TNR: variants seen among roughly 807,000 people sequenced by gnomAD.
TNR encodes the protein tenascin R, also known as tenascin-R.
Under a neutral mutation model 150.4 loss-of-function variants are expected in TNR, and 45 were observed. The ratio of observed to expected loss-of-function variants is 0.30; its 90% CI spans 0.24 to 0.38. TNR has a LOEUF of 0.38. Among genes scored for constraint, TNR ranks in the 10% least tolerant of loss-of-function variants. TNR has a pLI of 1.00. For missense variants in TNR, 1,544 were observed against 1,759.1 expected (o/e 0.88, Z 2.19); for synonymous variants, 687 against 678.4 (o/e 1.01, Z -0.20).
chr1:175,591,648 G>C (rs73050439), intron 1 of TNR, among the ~76,000 whole-genome samples: 1,558 of 152,290 alleles, frequency 0.01, 23 homozygotes, highest in African/African-American at 0.036. Flanking sequence ...ATAGTGCACA[G>C]GCTCTGAAGT....
intron 1 of TNR, among the ~76,000 whole-genome samples, chr1:175,575,139 A>G (rs1662048719): frequency 1.3e-5 from 2 of 152,208 alleles, no homozygotes; most frequent in South Asian, 4.1e-4. Flanking sequence ...CACTTCCAGG[A>G]CAAAGCTTTA....
At chr1:175,671,921 G>A (rs932888855) in intron 1 of TNR, among the ~76,000 whole-genome samples, 3 of 150,772 alleles carry the variant, frequency 2.0e-5, no homozygotes, top group Non-Finnish European at 4.4e-5. Flanking sequence ...CTGTGTGTGT[G>A]TGTGTGTGTG....
chr1:175,404,791 T>C (rs1336405411), intron 3 of TNR, among the ~76,000 whole-genome samples: 1 of 152,244 alleles, frequency 6.6e-6, no homozygotes, highest in Admixed American at 6.5e-5. Flanking sequence ...CTTTCCCCTA[T>C]TCTCCTGCTC....
intron 18 of TNR, among the ~76,000 whole-genome samples, chr1:175,338,330 C>T (rs1458830974): frequency 6.6e-6 from 1 of 152,202 alleles, no homozygotes; most frequent in African/African-American, 2.4e-5. Context: ...AATTGCAGCT[C>T]ATCTTTCAGA....
chr1:175,539,921 A>G lies in TNR; in HGVS notation c.-164-11552T>C, dbSNP rs1196986258. 3.3e-5 allele frequency among the ~76,000 whole-genome samples: 5 copies of G among 152,298 alleles called. No individual in the cohort carries two copies. In the East Asian group the frequency reaches 9.7e-4, roughly 29 times the overall value. ...TCTGGGACACCCAGAGAGAAGAGGG[A>G]CTTAAGGACTGCCATGGAAGACATC... On this transcript the variant is annotated intron_variant, in intron 1 of 22. Transcript: ENST00000367674.
chr1:175,563,426 G>A (rs139496327), intron 1 of TNR, among the ~76,000 whole-genome samples: 3 of 152,244 alleles, frequency 2.0e-5, no homozygotes, highest in South Asian at 4.1e-4. Flanking sequence ...TTAGCTAACG[G>A]TTTGCCTATT....
intron 2 of TNR, among the ~76,000 whole-genome samples, chr1:175,506,889 A>G (rs562075852): frequency 6.6e-6 from 1 of 152,352 alleles, no homozygotes; most frequent in East Asian, 1.9e-4. Flanking sequence ...GATGGACTGG[A>G]CACAGGCTTG....
chr1:175,546,783 A>G (rs1056501179), intron 1 of TNR, among the ~76,000 whole-genome samples: 6 of 152,074 alleles, frequency 3.9e-5, no homozygotes, highest in African/African-American at 1.4e-4. Context: ...ACTTCTTTCC[A>G]TTGTAAATAA....
At position 175,467,030 on chromosome 1, in the gene TNR, C is replaced by A. The variant is rs563607399; in HGVS notation, c.-63-60253G>T. Among the ~76,000 whole-genome samples, 69 of 152,238 alleles carry A rather than the reference C, an allele frequency of 4.5e-4. 2 individuals are homozygous for A. In the South Asian group the frequency reaches 0.014, roughly 32 times the overall value. On this transcript the variant is annotated intron_variant, in intron 2 of 22. Transcript: ENST00000367674. ...TAGAGGCTGGGATTCCAGGGCCTGG[C>A]AAATGATTAATAGGCCTGGCATATT...
intron 2 of TNR, among the ~76,000 whole-genome samples, chr1:175,420,179 C>T (rs576094601): frequency 3.3e-5 from 5 of 152,308 alleles, no homozygotes; most frequent in South Asian, 2.1e-4. Context: ...TCAACTTCAA[C>T]GAGACCTGAC....
At chr1:175,731,275 G>A (rs1667632980) in intron 1 of TNR, among the ~76,000 whole-genome samples, 1 of 152,156 alleles carries the variant, frequency 6.6e-6, no homozygotes, top group Non-Finnish European at 1.5e-5. Context: ...GAGTTAGTAT[G>A]GTTGCGATCT....
chr1:175,654,635 C>T (rs565916004), intron 1 of TNR, among the ~76,000 whole-genome samples: 7 of 151,810 alleles, frequency 4.6e-5, no homozygotes, highest in Admixed American at 2.0e-4. Flanking sequence ...CATCCTCCTT[C>T]CTCCTACACA....
At chr1:175,439,572 A>G (rs1571441420) in intron 2 of TNR, among the ~76,000 whole-genome samples, 2 of 152,316 alleles carry the variant, frequency 1.3e-5, no homozygotes, top group East Asian at 3.9e-4. Flanking sequence ...AGAAACTACC[A>G]TCAGAGTGAA....
intron 1 of TNR, among the ~76,000 whole-genome samples, chr1:175,573,098 C>T (rs1661950486): frequency 6.6e-6 from 1 of 152,170 alleles, no homozygotes; most frequent in South Asian, 2.1e-4. Flanking sequence ...CAAATTGATC[C>T]TCTGATTAGC....
chr1:175,484,658 G>A (rs1205801549), intron 2 of TNR, among the ~76,000 whole-genome samples: 3 of 152,020 alleles, frequency 2.0e-5, no homozygotes, highest in East Asian at 3.8e-4. Context: ...TGCTCCTGGC[G>A]TTTGGTTCTA....
chr1:175,534,722 A>C (rs1294535928), intron 1 of TNR, among the ~76,000 whole-genome samples: 1 of 152,178 alleles, frequency 6.6e-6, no homozygotes, highest in Non-Finnish European at 1.5e-5. Flanking sequence ...TGGGCTGCTA[A>C]GGCAAAGACT....
At chr1:175,517,320 CTGTG>C (rs1337505695) in intron 2 of TNR, among the ~76,000 whole-genome samples, 3 of 152,184 alleles carry the variant, frequency 2.0e-5, no homozygotes, top group Non-Finnish European at 4.4e-5. Context: ...TTCTGGGAGA[CTGTG>C]TAAGTCAATT....
At chr1:175,492,435 T>C (rs566238003) in intron 2 of TNR, among the ~76,000 whole-genome samples, 2 of 152,238 alleles carry the variant, frequency 1.3e-5, no homozygotes, top group Admixed American at 6.5e-5. Flanking sequence ...GCCCAAGGCC[T>C]GAGATGAAGC....
intron 12 of TNR, among the ~76,000 whole-genome samples, chr1:175,364,065 G>T (rs537133662): frequency 1.3e-5 from 2 of 152,282 alleles, no homozygotes; most frequent in East Asian, 3.9e-4. Context: ...AAGCTGGCAA[G>T]CTCTGTACCT....
Sources: allele counts gnomAD v4.1 joint callset (sites outside exome capture counted in the v4.1 genomes callset), GRCh38; gene constraint gnomAD v4.1.1; transcripts MANE v1.5; gene names NCBI Gene and HGNC (gene_info 2026-07-23, HGNC 2026-07-21).